EVC: variants seen among roughly 807,000 people sequenced by gnomAD.
The protein encoded by EVC is EvC ciliary complex subunit 1, also known as evC complex member EVC.
Under a neutral mutation model 118.9 loss-of-function variants are expected in EVC, and 116 were observed. That is an observed-to-expected ratio of 0.98 (90% CI 0.84 to 1.14). EVC has a LOEUF of 1.14. Ranked by LOEUF, EVC falls within the 50% of genes most tolerant of loss-of-function variation. The pLI is 0.00. For missense variants in EVC, 1,401 were observed against 1,246.4 expected (o/e 1.12, Z -1.87); for synonymous variants, 619 against 534.7 (o/e 1.16, Z -2.18).
the EVC span, chr4:5,828,460 T>G: frequency 4.4e-6 from 7 of 1,604,108 alleles, no homozygotes; most frequent in Non-Finnish European, 6.0e-6. Flanking sequence ...GTCCCACGGG[T>G]GGGCCCGCTC....
intron 11 of EVC, among the ~76,000 whole-genome samples, chr4:5,758,993 A>G (rs1464430815): frequency 6.6e-6 from 1 of 150,742 alleles, no homozygotes; most frequent in Non-Finnish European, 1.5e-5. Flanking sequence ...TACCGGGGAA[A>G]CTCCCTTTCT....
At chr4:5,804,632 G>T in intron 16 of EVC, 98 bp from the exon 17 acceptor site, 1 of 929,888 alleles carries the variant, frequency 1.1e-6, no homozygotes, top group Admixed American at 1.9e-5. Context: ...TGGAGAGCTG[G>T]TGTGTCTCAC....
At chr4:5,815,152 G>A (rs559870628), downstream of EVC, among the ~76,000 whole-genome samples, 2 of 152,144 alleles carry the variant, frequency 1.3e-5, no homozygotes, top group East Asian at 3.9e-4. Context: ...AGATCTGACT[G>A]TGGCATTGTA....
the EVC span, chr4:5,824,418 T>C: frequency 1.0e-6 from 1 of 985,262 alleles, no homozygotes; most frequent in African/African-American, 1.7e-5. Flanking sequence ...GCATAATCAC[T>C]GAATCAGACA....
chr4:5,793,502 A>T (rs1713173570), intron 12 of EVC, 106 bp from the exon 13 acceptor site: 1 of 966,674 alleles, frequency 1.0e-6, no homozygotes, highest in South Asian at 1.4e-5. Context: ...AAAGGGATTT[A>T]AAAAAGAAAC....
At chr4:5,758,274 C>A in intron 11 of EVC, 1 of 581,940 alleles carries the variant, frequency 1.7e-6, no homozygotes, top group Admixed American at 3.1e-5. Flanking sequence ...TAATGCCCTC[C>A]GGAACGGTGA....
At chr4:5,751,754 G>A (rs115835898) in intron 8 of EVC, among the ~76,000 whole-genome samples, 2,549 of 152,130 alleles carry the variant, frequency 0.017, 25 homozygotes, top group Middle Eastern at 0.061. Flanking sequence ...ACCAGTGAGG[G>A]TGGGGACAAG....
chr4:5,786,829 G>A (rs1342367187), intron 12 of EVC, among the ~76,000 whole-genome samples: 8 of 143,440 alleles, frequency 5.6e-5, no homozygotes, highest in Non-Finnish European at 8.9e-5. Context: ...CCGAGATCAC[G>A]CCACTGAACT....
intron 11 of EVC, among the ~76,000 whole-genome samples, chr4:5,778,622 G>T (rs1403401204): frequency 6.6e-6 from 1 of 152,080 alleles, no homozygotes; most frequent in Non-Finnish European, 1.5e-5. Context: ...TGTTTTTTTG[G>T]CTGCATCAAT....
rs2151934523 is a variant in EVC, at chr4:5,731,386, C to A, written c.385-39C>A. 1 of 1,438,134 alleles carries A rather than the reference C, an allele frequency of 7.0e-7. No individual in the cohort carries two copies. Among genetic ancestry groups the A allele is most frequent in the Non-Finnish European group, 9.8e-7 (1 of 1,019,750 alleles). The allele number at this position is 1,438,134 out of a possible 1,614,324, so 89.1% of individuals were successfully genotyped here. ...TGAATACTAGATCAAATCCCAGAGGCATCACATGGACTGAGTGTGACTCCT... is the reference window on the plus strand; with the variant it reads ...TGAATACTAGATCAAATCCCAGAGGAATCACATGGACTGAGTGTGACTCCT... On this transcript the variant is annotated intron_variant, in intron 3 of 20. Coordinates refer to ENST00000264956, the MANE Select transcript of EVC (RefSeq NM_153717.3). This position sits in a 1 kb window ranked among gnomAD's most constrained non-coding sequence, Gnocchi z 5.6.
chr4:5,721,354 T>A (rs985938396), intron 2 of EVC, among the ~76,000 whole-genome samples: 1 of 152,196 alleles, frequency 6.6e-6, no homozygotes, highest in South Asian at 2.1e-4. Context: ...CGATGGGTGC[T>A]ACAACCTGAA....
chr4:5,758,224 T>C lies in EVC; in HGVS notation c.1563+1862T>C, dbSNP rs185711947. ...CCAGGAAGGGCCCCTCCCAGAGCCT[T>C]TGGAGGGGGCGAGGCTCTGCCAACA... On this transcript the variant is annotated intron_variant, in intron 11 of 20. Coordinates refer to ENST00000264956, the MANE Select transcript of EVC (RefSeq NM_153717.3). The C allele has an allele frequency of 5.0e-3, 3,423 of 679,742 alleles. 14 individuals are homozygous for C. Among genetic ancestry groups the C allele is most frequent in the Middle Eastern group, 0.023 (60 of 2,662 alleles). 42.1% of individuals were successfully genotyped at this position (679,742 alleles called of 1,614,324 possible). A position where few individuals can be genotyped will look rare whatever the true frequency, so the allele number is the denominator to read the frequency against.
intron 11 of EVC, among the ~76,000 whole-genome samples, chr4:5,768,529 A>G (rs989069687): frequency 4.6e-5 from 7 of 152,254 alleles, no homozygotes; most frequent in Admixed American, 3.9e-4. Context: ...TGGGTAAAGC[A>G]TATAGAAGAG....
chr4:5,715,534 T>C (rs1165678060), intron 1 of EVC, among the ~76,000 whole-genome samples: 6 of 152,196 alleles, frequency 3.9e-5, no homozygotes, highest in Admixed American at 6.5e-5. Context: ...GTTTCAGGGA[T>C]TCCCTGGCAC....
intron 8 of EVC, chr4:5,752,550 C>A (rs1730543317): frequency 9.6e-6 from 5 of 520,138 alleles, no homozygotes; most frequent in Admixed American, 6.4e-5. Context: ...AATCTGGATT[C>A]CCTCCTAGGA....
At chr4:5,827,952 C>A in the EVC span, 7 of 793,256 alleles carry the variant, frequency 8.8e-6, no homozygotes, top group Non-Finnish European at 1.1e-5. Context: ...GAGGTCAGTG[C>A]TAAGGTTGTT....
chr4:5,809,505 G>C lies in EVC; in HGVS notation c.2689-13G>C. The C allele has an allele frequency of 6.2e-7, 1 of 1,613,594 alleles. No individual in the cohort carries two copies. The highest frequency in any genetic ancestry group is 8.5e-7 in the Non-Finnish European group (1 of 1,179,528). Reference sequence around the variant, plus strand: ...GAGGCCCAGCTGAATGCTCCTCTCTGCTTGCATTTCAGGAAGCTGAACAGA... The same window carrying C: ...GAGGCCCAGCTGAATGCTCCTCTCTCCTTGCATTTCAGGAAGCTGAACAGA... On this transcript the variant is annotated splice_polypyrimidine_tract_variant and intron_variant, in intron 18 of 20. Coordinates refer to ENST00000264956, the MANE Select transcript of EVC (RefSeq NM_153717.3).
At chr4:5,721,756 A>G (rs1162439964) in intron 2 of EVC, among the ~76,000 whole-genome samples, 3 of 152,268 alleles carry the variant, frequency 2.0e-5, no homozygotes, top group East Asian at 3.9e-4. Context: ...AGTCCCAGCT[A>G]CTTAGGAGGC....
Position 5,738,011 on chromosome 4 carries a change from G to A in EVC, c.703-3705G>A, listed in dbSNP as rs1262432146. Among the ~76,000 whole-genome samples, 5 of 152,194 alleles carry A rather than the reference G, an allele frequency of 3.3e-5. No homozygotes were observed. The East Asian group carries it at 9.6e-4, about 29-fold the overall frequency. On this transcript the variant is annotated intron_variant, in intron 5 of 20. Transcript: ENST00000264956. This position sits in a 1 kb window ranked among gnomAD's most constrained non-coding sequence, Gnocchi z 6.5. ...GATTCACCATTCTAGATGCCATTGA[G>A]AATATTCATGATTCATAGGAGGAGG...
Sources: allele counts gnomAD v4.1 joint callset (sites outside exome capture counted in the v4.1 genomes callset), GRCh38; gene constraint gnomAD v4.1.1; non-coding constraint Gnocchi (gnomAD v3.1); transcripts MANE v1.5; gene names NCBI Gene and HGNC (gene_info 2026-07-23, HGNC 2026-07-21).